Variants in NRXN3 observed in about 807,000 individuals in gnomAD.
The protein encoded by NRXN3 is neurexin 3, also known as neurexin III.
Under a neutral mutation model 137.6 loss-of-function variants are expected in NRXN3, and 32 were observed. That is an observed-to-expected ratio of 0.23 (90% confidence interval 0.18 to 0.31). NRXN3 has a LOEUF of 0.31. Among genes scored for constraint, NRXN3 ranks in the 10% least tolerant of loss-of-function variants. The pLI is 1.00. For missense variants in NRXN3, 1,574 were observed against 2,062.5 expected (o/e 0.76, Z 4.59); for synonymous variants, 798 against 784.5 (o/e 1.02, Z -0.29).
intron 4 of NRXN3, among the ~76,000 whole-genome samples, chr14:78,476,156 A>G (rs1489781218): frequency 1.3e-5 from 2 of 152,236 alleles, no homozygotes; most frequent in African/African-American, 4.8e-5. Flanking sequence ...AGTATTGGGC[A>G]ATGGAGATAC....
At chr14:78,562,697 A>G (rs2096798727) in intron 4 of NRXN3, among the ~76,000 whole-genome samples, 1 of 152,204 alleles carries the variant, frequency 6.6e-6, no homozygotes, top group East Asian at 1.9e-4. Context: ...AGGTTCCAAG[A>G]TTAAACCACT....
At chr14:78,238,124 G>A (rs531670435) in intron 1 of NRXN3, among the ~76,000 whole-genome samples, 34 of 147,890 alleles carry the variant, frequency 2.3e-4, no homozygotes, top group African/African-American at 7.8e-4. Flanking sequence ...TAGCCCACAT[G>A]TCAGAGTTGT....
At chr14:79,177,209 T>C (rs568133988) in intron 15 of NRXN3, among the ~76,000 whole-genome samples, 10 of 152,336 alleles carry the variant, frequency 6.6e-5, no homozygotes, top group African/African-American at 2.4e-4. Context: ...TCCTCTAAAA[T>C]AGTCCCTTTC....
At position 79,497,775 on chromosome 14, in the gene NRXN3, G is replaced by A. The variant is rs188430461; in HGVS notation, c.3444+30373G>A. On this transcript the variant is annotated intron_variant, in intron 16 of 20. Coordinates refer to ENST00000335750, the MANE Select transcript of NRXN3 (RefSeq NM_001330195.2). The stretch of plus-strand genomic sequence containing the variant: ...AATGAGGCTGGGCACGGTGGCTCAC[G>A]CCTGTAATCCCAGCACTTTGGGAGG... 1.5e-4 allele frequency among the ~76,000 whole-genome samples: 23 copies of A among 152,204 alleles called. No individual in the cohort carries two copies. The East Asian group carries it at 3.5e-3, about 23-fold the overall frequency.
In NRXN3 at chr14:78,235,000, A is replaced by ATATATATATATATATATGTG. The variant is rs1555418533; in HGVS notation, c.-703-7374_-703-7373insGTGTATATATATATATATAT. On this transcript the variant is annotated intron_variant, in intron 1 of 20. Transcript: ENST00000335750. ...CTGGCAGCCACAAATGCTTTTATAT[A>ATATATATATATATATATGTG]TATATATATATATATATATATATGT... is the stretch of plus-strand genomic sequence containing the variant. 8.0e-3 allele frequency among the ~76,000 whole-genome samples: 310 copies of ATATATATATATATATATGTG among 38,612 alleles called. 7 individuals carry two copies. The highest frequency in any genetic ancestry group is 0.025 in the African/African-American group (219 of 8,910). The allele number at this position is 38,612 out of a possible 152,430, so 25.3% of individuals were successfully genotyped here.
intron 8 of NRXN3, among the ~76,000 whole-genome samples, chr14:78,795,656 A>G (rs1360588102): frequency 1.3e-5 from 2 of 152,212 alleles, no homozygotes; most frequent in African/African-American, 4.8e-5. Flanking sequence ...ACTAAGAAAA[A>G]TTTTATGAAG....
At chr14:78,824,765 A>C (rs895046150) in intron 10 of NRXN3, among the ~76,000 whole-genome samples, 1 of 152,232 alleles carries the variant, frequency 6.6e-6, no homozygotes, top group Non-Finnish European at 1.5e-5. Flanking sequence ...GGGTGACCAC[A>C]GTCAACAATA....
chr14:79,629,827 G>A (rs74071243), intron 16 of NRXN3, among the ~76,000 whole-genome samples: 12 of 71,708 alleles, frequency 1.7e-4, no homozygotes, highest in Admixed American at 5.6e-4. Flanking sequence ...GTGTGTGTGC[G>A]TGTGTGTGTG....
chr14:78,730,742 A>G (rs2098511249), intron 8 of NRXN3, among the ~76,000 whole-genome samples: 1 of 152,220 alleles, frequency 6.6e-6, no homozygotes, highest in Non-Finnish European at 1.5e-5. Context: ...GCAAGACAAA[A>G]CAATGACTAT....
chr14:79,231,534 CAGAT>C (rs1305766526), intron 15 of NRXN3, among the ~76,000 whole-genome samples: 1 of 152,124 alleles, frequency 6.6e-6, no homozygotes, highest in Non-Finnish European at 1.5e-5. Context: ...GCTCATCTGT[CAGAT>C]AGATGGAGGA....
intron 4 of NRXN3, among the ~76,000 whole-genome samples, chr14:78,593,010 G>A (rs1301151810): frequency 6.6e-6 from 1 of 152,146 alleles, no homozygotes; most frequent in Non-Finnish European, 1.5e-5. Flanking sequence ...GTGCGCACAG[G>A]CACTGAATGG....
chr14:79,736,890 T>C (rs2098943880), intron 19 of NRXN3, among the ~76,000 whole-genome samples: 1 of 152,170 alleles, frequency 6.6e-6, no homozygotes, highest in South Asian at 2.1e-4. Context: ...AAAGCCTGGC[T>C]CCACAGGTGA....
At chr14:78,499,620 G>A (rs1164408253) in intron 4 of NRXN3, among the ~76,000 whole-genome samples, 1 of 152,186 alleles carries the variant, frequency 6.6e-6, no homozygotes, top group African/African-American at 2.4e-5. Flanking sequence ...CAGCTTAGCT[G>A]GATCCTCTGG....
At chr14:79,265,231 C>CTTTTTTT (rs936690790) in intron 15 of NRXN3, among the ~76,000 whole-genome samples, 1 of 91,912 alleles carries the variant, frequency 1.1e-5, no homozygotes, top group African/African-American at 3.9e-5. Context: ...GGGGGTTGCT[C>CTTTTTTT]TTTTTTTTTT....
intron 19 of NRXN3, among the ~76,000 whole-genome samples, chr14:79,767,315 G>A (rs542435971): frequency 1.3e-5 from 2 of 152,284 alleles, no homozygotes; most frequent in South Asian, 2.1e-4. Context: ...GCTTTTGCAT[G>A]TGCTGTTTAT....
intron 4 of NRXN3, among the ~76,000 whole-genome samples, chr14:78,514,663 T>C (rs964026491): frequency 9.2e-5 from 14 of 152,142 alleles, no homozygotes; most frequent in African/African-American, 2.7e-4. Context: ...CTCATGCTGA[T>C]TACATCTTAA....
chr14:78,909,792 T>C (rs1597270517), intron 10 of NRXN3, among the ~76,000 whole-genome samples: 1 of 152,170 alleles, frequency 6.6e-6, no homozygotes, highest in African/African-American at 2.4e-5. Flanking sequence ...GAGAACAAAG[T>C]GTGTATTTTT....
At chr14:79,283,208 C>G (rs947803169) in intron 15 of NRXN3, among the ~76,000 whole-genome samples, 1 of 152,210 alleles carries the variant, frequency 6.6e-6, no homozygotes, top group Non-Finnish European at 1.5e-5. Flanking sequence ...GAGTTAAAGG[C>G]AGCACTCTCT....
intron 4 of NRXN3, among the ~76,000 whole-genome samples, chr14:78,524,539 T>A (rs2160904): frequency 0.54 from 81,710 of 152,054 alleles, 24,146 homozygotes; most frequent in Non-Finnish European, 0.65. Flanking sequence ...TTGAATCAGG[T>A]TCTTTTAGTG....
Sources: allele counts gnomAD v4.1 joint callset (sites outside exome capture counted in the v4.1 genomes callset), GRCh38; gene constraint gnomAD v4.1.1; transcripts MANE v1.5; gene names NCBI Gene and HGNC (gene_info 2026-07-23, HGNC 2026-07-21).